SIL1: variants seen among roughly 807,000 people sequenced by gnomAD.
SIL1 encodes the protein SIL1 nucleotide exchange factor.
In SIL1, 40 loss-of-function variants were observed where a neutral mutation model predicts 49.1. That is an observed-to-expected ratio of 0.81 (90% CI 0.63 to 1.06). The LOEUF (loss-of-function observed/expected upper bound fraction) is 1.06, where lower values mean the gene tolerates loss of function less well. Ranked by LOEUF, SIL1 falls within the 50% of genes least tolerant of loss-of-function variation. The pLI, the probability that SIL1 is intolerant of heterozygous loss-of-function variation, is 0.00. For missense variants in SIL1, 500 were observed against 572.6 expected, an observed-to-expected ratio of 0.87 and a Z score of 1.29; for synonymous variants, 253 against 250.8, an observed-to-expected ratio of 1.01 and a Z score of -0.08.
intron 1 of SIL1, among the ~76,000 whole-genome samples, chr5:139,143,400 C>T (rs1448232867): frequency 3.4e-5 from 5 of 147,262 alleles, no homozygotes; most frequent in Non-Finnish European, 5.9e-5. Context: ...GATGGAGTTT[C>T]GCTCTTGTTG....
intron 6 of SIL1, among the ~76,000 whole-genome samples, chr5:139,025,235 G>A (rs1768618484): frequency 6.6e-6 from 1 of 152,040 alleles, no homozygotes; most frequent in African/African-American, 2.4e-5. Flanking sequence ...CACCTTTTGA[G>A]CTTAATTCAA....
intron 3 of SIL1, among the ~76,000 whole-genome samples, chr5:139,075,968 C>G (rs1019587672): frequency 2.0e-5 from 3 of 152,140 alleles, no homozygotes; most frequent in Admixed American, 1.3e-4. Context: ...CCAAGCAGGC[C>G]CATCCATGCT....
In SIL1 at chr5:139,062,516, G is replaced by C. The variant is rs189760395; in HGVS notation, c.245-11470C>G. On this transcript the variant is annotated intron_variant, in intron 3 of 9. Coordinates refer to ENST00000394817, the MANE Select transcript of SIL1 (RefSeq NM_022464.5). ...CCCCCAGGGAACAGCTACCCTGACA[G>C]CTCCCACCATACCCTTGCACCACTA... is the stretch of plus-strand genomic sequence containing the variant. 5.9e-5 allele frequency among the ~76,000 whole-genome samples: 9 copies of C among 152,134 alleles called. No individual in the cohort carries two copies. The East Asian group carries it at 1.7e-3, about 29-fold the overall frequency.
chr5:139,001,800 G>A (rs1767989200), intron 7 of SIL1, among the ~76,000 whole-genome samples: 1 of 152,128 alleles, frequency 6.6e-6, no homozygotes, highest in Non-Finnish European at 1.5e-5. Flanking sequence ...AGCTACTCAG[G>A]AGGCTGAGGC....
At position 139,121,305 on chromosome 5, in the gene SIL1, G is replaced by A. The variant is rs11750382; in HGVS notation, c.106-132C>T. On this transcript the variant is annotated intron_variant, in intron 2 of 9. Coordinates refer to ENST00000394817, the MANE Select transcript of SIL1 (RefSeq NM_022464.5). ...CACAGCCTGATATGTCTGGACACTC[G>A]CAATTCCTTTCCCAAGGTCAGCCTC... 382,250 of 1,235,766 alleles carry A rather than the reference G, an allele frequency of 0.31. 63,360 individuals are homozygous for A. Among genetic ancestry groups the A allele is most frequent in the South Asian group, 0.36 (27,647 of 77,534 alleles). The allele number at this position is 1,235,766 out of a possible 1,614,324, so 76.6% of individuals were successfully genotyped here.
chr5:139,070,974 GAATC>G (rs1343866573), intron 3 of SIL1, among the ~76,000 whole-genome samples: 1 of 152,088 alleles, frequency 6.6e-6, no homozygotes, highest in East Asian at 1.9e-4. Flanking sequence ...CACAAAAAGA[GAATC>G]AATCAGACAT....
At position 138,979,133 on chromosome 5, in the gene SIL1, C is replaced by T. The variant is rs1376428272; in HGVS notation, c.768-27249G>A. 1.3e-5 allele frequency among the ~76,000 whole-genome samples: 2 copies of T among 151,556 alleles called. 1 individual carries two copies. The highest frequency in any genetic ancestry group is 6.4e-3 in the Middle Eastern group (2 of 314). ...CAGGCTGGAGTGCAGTGCATGATCT[C>T]GGCTCACTGAAACCTCTGCCTCCCG... is the stretch of plus-strand genomic sequence containing the variant. On this transcript the variant is annotated intron_variant, in intron 7 of 9. Transcript: ENST00000394817.
chr5:139,141,498 AT>A (rs1294865459), intron 1 of SIL1, among the ~76,000 whole-genome samples: 6 of 150,388 alleles, frequency 4.0e-5, no homozygotes, highest in South Asian at 4.2e-4. Context: ...AAAAAAAAAA[AT>A]TTTTTTTTCA....
At chr5:139,179,418 G>T in intron 1 of SIL1, among the ~76,000 whole-genome samples, 1 of 152,206 alleles carries the variant, frequency 6.6e-6, no homozygotes, top group East Asian at 1.9e-4. Context: ...AGTCGCTCCT[G>T]ATGAGGCAGC....
At chr5:139,057,931 A>G (rs766375314) in intron 3 of SIL1, among the ~76,000 whole-genome samples, 2 of 152,150 alleles carry the variant, frequency 1.3e-5, no homozygotes, top group Non-Finnish European at 2.9e-5. Context: ...CACTAATCCT[A>G]TTCATGAGGC....
At chr5:139,129,645 C>A (rs1432633167) in intron 1 of SIL1, among the ~76,000 whole-genome samples, 2 of 152,232 alleles carry the variant, frequency 1.3e-5, no homozygotes, top group East Asian at 1.9e-4. Flanking sequence ...GCATTCCAGC[C>A]TGGGCAACAG....
chr5:138,993,063 T>G (rs773466614), intron 7 of SIL1, among the ~76,000 whole-genome samples: 24 of 152,168 alleles, frequency 1.6e-4, no homozygotes, highest in Non-Finnish European at 2.5e-4. Context: ...GCAAATAAAG[T>G]ATAAAGACTA....
intron 7 of SIL1, among the ~76,000 whole-genome samples, chr5:138,966,109 G>T (rs1355977262): frequency 6.6e-6 from 1 of 152,086 alleles, no homozygotes; most frequent in Non-Finnish European, 1.5e-5. Context: ...GATACCAAAT[G>T]TAACAGTACC....
intron 7 of SIL1, among the ~76,000 whole-genome samples, chr5:138,993,680 CA>C (rs1767803826): frequency 6.6e-6 from 1 of 152,222 alleles, no homozygotes. Context: ...AGCCATGTGG[CA>C]AGGAACTGAG....
At chr5:139,055,211 T>G (rs1196894865) in intron 3 of SIL1, among the ~76,000 whole-genome samples, 1 of 152,056 alleles carries the variant, frequency 6.6e-6, no homozygotes, top group Non-Finnish European at 1.5e-5. Flanking sequence ...AGAAAACCCA[T>G]CCATATTAAG....
intron 1 of SIL1, among the ~76,000 whole-genome samples, chr5:139,132,695 C>T (rs770567228): frequency 9.9e-5 from 15 of 152,190 alleles, no homozygotes; most frequent in South Asian, 2.1e-4. Flanking sequence ...CATGCAGGCA[C>T]GGAAAACAGT....
At chr5:139,184,946 C>A (rs560340062) in intron 1 of SIL1, among the ~76,000 whole-genome samples, 2 of 152,156 alleles carry the variant, frequency 1.3e-5, no homozygotes, top group African/African-American at 4.8e-5. Flanking sequence ...GAAGAGAAGA[C>A]CACACATGGG....
chr5:138,960,744 G>T (rs373946387), intron 7 of SIL1, among the ~76,000 whole-genome samples: 1 of 152,092 alleles, frequency 6.6e-6, no homozygotes, highest in Non-Finnish European at 1.5e-5. Context: ...CGTGAGCCAC[G>T]GCACTCGGCC....
At chr5:138,963,452 T>C (rs1016328135) in intron 7 of SIL1, among the ~76,000 whole-genome samples, 2 of 152,206 alleles carry the variant, frequency 1.3e-5, no homozygotes, top group Non-Finnish European at 2.9e-5. Flanking sequence ...ACTGTAGGAA[T>C]GTTTATGAAT....
Sources: gnomAD v4.1 joint callset for allele counts (sites outside exome capture counted in the v4.1 genomes callset) on GRCh38, gnomAD v4.1.1 for gene constraint, MANE v1.5 for transcripts, NCBI Gene and HGNC (gene_info 2026-07-23, HGNC 2026-07-21) for gene names.